The following BICD1 variants were observed in gnomAD, a reference collection of about 807,000 sequenced individuals.
The protein encoded by BICD1 is BICD cargo adaptor 1.
A neutral mutation model predicts 92.5 loss-of-function variants in BICD1; 35 were observed. The observed-to-expected ratio is 0.38, with a 90% CI of 0.29 to 0.50. The LOEUF is 0.50. Ranked by LOEUF, BICD1 falls within the 20% of genes least tolerant of loss-of-function variation. BICD1 has a pLI of 0.93. For synonymous variants in BICD1, 429 were observed against 465.1 expected (o/e 0.92, Z 1.00); for missense variants, 950 against 1,189.8 (o/e 0.80, Z 2.97).
chr12:32,298,293 G>T lies in BICD1; in HGVS notation c.579+4147G>T, dbSNP rs1947929947. Among the ~76,000 whole-genome samples, 4 of 152,240 alleles carry T rather than the reference G, an allele frequency of 2.6e-5. No individual in the cohort carries two copies. The South Asian group carries it at 8.3e-4, about 32-fold the overall frequency. Reference sequence around the variant, plus strand: ...ATAAGAATATCACCCTGGGTGCAATGGCTGATGCCTGGAATCCCAGCACTT... The same window carrying T: ...ATAAGAATATCACCCTGGGTGCAATTGCTGATGCCTGGAATCCCAGCACTT... On this transcript the variant is annotated intron_variant, in intron 3 of 9. Transcript: ENST00000652176.
At chr12:32,254,176 C>T (rs1185998432) in intron 2 of BICD1, among the ~76,000 whole-genome samples, 3 of 147,368 alleles carry the variant, frequency 2.0e-5, no homozygotes, top group Non-Finnish European at 3.0e-5. Context: ...TCCCACCTGC[C>T]GTATTCACTG....
At chr12:32,340,990 T>G (rs1335020009) in intron 8 of BICD1, among the ~76,000 whole-genome samples, 1 of 152,228 alleles carries the variant, frequency 6.6e-6, no homozygotes, top group Non-Finnish European at 1.5e-5. Flanking sequence ...GGTATATCAA[T>G]GTACTAAAAG....
intron 2 of BICD1, among the ~76,000 whole-genome samples, chr12:32,245,252 T>TG (rs1429076557): frequency 2.4e-5 from 3 of 124,926 alleles, no homozygotes; most frequent in Non-Finnish European, 3.8e-5. Context: ...TGTTTTTTGT[T>TG]TTTTTTTTTT....
At position 32,106,946 on chromosome 12, in the gene BICD1, A is replaced by G; in HGVS notation, c.-386A>G. On this transcript the variant is annotated 5_prime_UTR_variant, in exon 1 of 10. Transcript: ENST00000652176. Reference sequence around the variant, plus strand: ...CCAGACCCAGGGCGAGACTGCAGTGACGCGGCCCGGGAGACATGGCGGACG... The same window carrying G: ...CCAGACCCAGGGCGAGACTGCAGTGGCGCGGCCCGGGAGACATGGCGGACG... 1 of 217,278 alleles carries G rather than the reference A, an allele frequency of 4.6e-6. No homozygotes were observed. The highest frequency in any genetic ancestry group is 1.3e-4 in the East Asian group (1 of 7,808). The allele number at this position is 217,278 out of a possible 1,614,324, so 13.5% of individuals were successfully genotyped here. A position where few individuals can be genotyped will look rare whatever the true frequency, so the allele number is the denominator to read the frequency against.
intron 1 of BICD1, among the ~76,000 whole-genome samples, chr12:32,153,566 G>T (rs1943350441): frequency 6.6e-6 from 1 of 152,058 alleles, no homozygotes; most frequent in Non-Finnish European, 1.5e-5. Flanking sequence ...AGACCAGCTT[G>T]GGCAACATGG....
At chr12:32,323,367 G>A (rs1423930163) in intron 4 of BICD1, among the ~76,000 whole-genome samples, 8 of 152,306 alleles carry the variant, frequency 5.3e-5, no homozygotes, top group Admixed American at 5.2e-4. Flanking sequence ...GTTCACAATA[G>A]CTAACATTGT....
At chr12:32,369,809 G>A (rs546946012) in intron 9 of BICD1, among the ~76,000 whole-genome samples, 67 of 152,122 alleles carry the variant, frequency 4.4e-4, no homozygotes, top group Admixed American at 2.7e-3. Context: ...GGGAAGCTGA[G>A]GTTGGAGGGT....
intron 2 of BICD1, among the ~76,000 whole-genome samples, chr12:32,220,663 A>C (rs1945489757): frequency 6.7e-6 from 1 of 149,668 alleles, no homozygotes; most frequent in South Asian, 2.2e-4. Flanking sequence ...AAACTAGTTC[A>C]ACCCTTGTGG....
chr12:32,232,591 A>C (rs1343685971), intron 2 of BICD1, among the ~76,000 whole-genome samples: 2 of 150,652 alleles, frequency 1.3e-5, no homozygotes, highest in African/African-American at 4.9e-5. Context: ...TCTTTAGTTT[A>C]ATTAGATCCC....
At chr12:32,151,609 A>G (rs1445854480) in intron 1 of BICD1, among the ~76,000 whole-genome samples, 1 of 152,206 alleles carries the variant, frequency 6.6e-6, no homozygotes, top group Non-Finnish European at 1.5e-5. Flanking sequence ...ATATTGGGTG[A>G]TGACCAAACA....
intron 5 of BICD1, among the ~76,000 whole-genome samples, chr12:32,329,488 G>C (rs967310697): frequency 2.0e-5 from 3 of 152,206 alleles, no homozygotes; most frequent in African/African-American, 4.8e-5. Context: ...AGGGATGAAA[G>C]GCAAGACAAC....
chr12:32,279,046 G>A (rs1325657809), intron 2 of BICD1, among the ~76,000 whole-genome samples: 2 of 152,110 alleles, frequency 1.3e-5, no homozygotes, highest in Non-Finnish European at 2.9e-5. Flanking sequence ...CAGCAAAGCT[G>A]TCTATAGACT....
intron 8 of BICD1, chr12:32,339,465 A>G (rs1320948502): frequency 4.1e-6 from 4 of 985,448 alleles, no homozygotes; most frequent in Non-Finnish European, 4.8e-6. Flanking sequence ...ACCTTCTAAG[A>G]TTTTGCTCCT....
At position 32,151,545 on chromosome 12, in the gene BICD1, G is replaced by A. The variant is rs76563611; in HGVS notation, c.213+44001G>A. On this transcript the variant is annotated intron_variant, in intron 1 of 9. Coordinates refer to ENST00000652176, the MANE Select transcript of BICD1 (RefSeq NM_001714.4). Reference sequence around the variant, plus strand: ...ATTGCAAGCACTAAATAGATACATCGAAGGTTATGTTCTCAGGCATCCCTA... The same window carrying A: ...ATTGCAAGCACTAAATAGATACATCAAAGGTTATGTTCTCAGGCATCCCTA... Among the ~76,000 whole-genome samples, 60 of 152,308 alleles carry A rather than the reference G, an allele frequency of 3.9e-4. No individual in the cohort carries two copies. The East Asian group carries it at 9.4e-3, about 24-fold the overall frequency.
chr12:32,288,223 A>ATTTTTTTTTTTTTT (rs34913740), intron 2 of BICD1, among the ~76,000 whole-genome samples: 5 of 109,508 alleles, frequency 4.6e-5, no homozygotes, highest in African/African-American at 1.5e-4. Context: ...CCAAGTCCTA[A>ATTTTTTTTTTTTTT]TTTTTTTTTT....
chr12:32,150,635 T>TCC (rs1160021176), intron 1 of BICD1, among the ~76,000 whole-genome samples: 1 of 152,164 alleles, frequency 6.6e-6, no homozygotes, highest in Admixed American at 6.6e-5. Flanking sequence ...TATAGACGGG[T>TCC]AACTTCCAGG....
At chr12:32,300,629 GTATTTTTTTTTTTT>G (rs1377212316) in intron 3 of BICD1, among the ~76,000 whole-genome samples, 14 of 108,300 alleles carry the variant, frequency 1.3e-4, no homozygotes, top group African/African-American at 4.2e-4. Context: ...TGACTTTACA[GTATTTTTTTTTTTT>G]TTTTTTTTTT....
chr12:32,333,852 T>G (rs1937986502), intron 5 of BICD1, among the ~76,000 whole-genome samples: 1 of 152,232 alleles, frequency 6.6e-6, no homozygotes, highest in African/African-American at 2.4e-5. Context: ...ATGTTTTAAC[T>G]CATTCAACAT....
chr12:32,159,174 T>C (rs962549945), intron 1 of BICD1, among the ~76,000 whole-genome samples: 25 of 152,132 alleles, frequency 1.6e-4, no homozygotes, highest in African/African-American at 6.0e-4. Context: ...CCTCATGTGA[T>C]CCACCCACCT....
Sources: gnomAD v4.1 joint callset for allele counts (sites outside exome capture counted in the v4.1 genomes callset) on GRCh38, gnomAD v4.1.1 for gene constraint, MANE v1.5 for transcripts, NCBI Gene and HGNC (gene_info 2026-07-23, HGNC 2026-07-21) for gene names.